CEP78: variants seen among roughly 807,000 people sequenced by gnomAD.
The protein encoded by CEP78 is centrosomal protein of 78 kDa.
CEP78 carries 76 observed loss-of-function variants against 81.2 expected under a neutral mutation model. The observed-to-expected ratio is 0.94, with a 90% CI of 0.78 to 1.13. The LOEUF (loss-of-function observed/expected upper bound fraction) is 1.13, where lower values mean the gene tolerates loss of function less well. Ranked by LOEUF, CEP78 falls within the 50% of genes most tolerant of loss-of-function variation. CEP78 has a pLI of 0.00. For synonymous variants in CEP78, 293 were observed against 301.4 expected (o/e 0.97, Z 0.29); for missense variants, 918 against 846.8 (o/e 1.08, Z -1.04).
At chr9:78,264,881 A>G (rs765625995) in intron 13 of CEP78, among the ~76,000 whole-genome samples, 3 of 152,194 alleles carry the variant, frequency 2.0e-5, no homozygotes, top group African/African-American at 7.2e-5. Flanking sequence ...GTGGTCCTCA[A>G]CCAAGAATGA....
chr9:78,246,748 G>A lies in CEP78; in HGVS notation c.858G>A (p.Leu286=). 1 of 1,608,556 alleles carries A rather than the reference G, an allele frequency of 6.2e-7. No homozygotes were observed. The highest frequency in any genetic ancestry group is 8.5e-7 in the Non-Finnish European group (1 of 1,177,262). ...LLEALETNTT[L]VVLDIRKNPL... is the part of the protein sequence containing the mutation. ...AGGCCCTTGAAACCAATACAACTCT[G>A]GTCGTTCTGGATATAAGAAAAAATC... Residue 286 remains leucine, a synonymous_variant, in exon 6 of 17, where the codon CTG becomes CTA. Transcript: ENST00000643273.
intron 2 of CEP78, 41 bp from the exon 3 acceptor site, chr9:78,240,251 A>G (rs1826162086): frequency 6.2e-7 from 1 of 1,612,214 alleles, no homozygotes; most frequent in Non-Finnish European, 8.5e-7. Context: ...TAGAGGAAAA[A>G]AAACCTCAAT....
chr9:78,254,621 T>G (rs1192034887), intron 10 of CEP78: 1 of 216,598 alleles, frequency 4.6e-6, no homozygotes. Flanking sequence ...ATTCCAGTAT[T>G]AATTATAAAC....
chr9:78,241,594 A>G, intron 3 of CEP78, 102 bp from the exon 4 acceptor site: 1 of 535,624 alleles, frequency 1.9e-6, no homozygotes. Context: ...TTAAGAATAC[A>G]ACTATAAAAT....
Position 78,236,510 on chromosome 9 carries a change from G to A in CEP78, c.160G>A (p.Asp54Asn), listed in dbSNP as rs753251020. The change falls in exon 1 of 17, where the codon GAC becomes AAC. Residue 54 changes from aspartate to asparagine, a missense_variant. Transcript: ENST00000643273. The stretch of plus-strand genomic sequence containing the variant: ...CAACGCCGACCGCCTCCGCGGGGTG[G>A]ACTGGGCGCCTCTGCTGAGCACCCT... ...DFNADRLRGV[D>N]WAPLLSTLKI... 6.2e-7 allele frequency: 1 copy of A among 1,606,994 alleles called. No homozygotes were observed. Among genetic ancestry groups the A allele is most frequent in the Non-Finnish European group, 8.5e-7 (1 of 1,176,764 alleles).
Position 78,275,141 on chromosome 9 carries a change from G to C in CEP78, c.*4290G>C, listed in dbSNP as rs557186536. The C allele has an allele frequency of 6.6e-6, 1 of 152,094 alleles. No homozygotes were observed. Among genetic ancestry groups the C allele is most frequent in the African/African-American group, 2.4e-5 (1 of 41,430 alleles). The allele number at this position is 152,094 out of a possible 1,614,324, so 9.4% of individuals were successfully genotyped here. A position where few individuals can be genotyped will look rare whatever the true frequency, so the allele number is the denominator to read the frequency against. On this transcript the variant is annotated 3_prime_UTR_variant, in exon 17 of 17. Coordinates refer to ENST00000643273, the MANE Select transcript of CEP78 (RefSeq NM_001330691.3). ...CTAGAAGAGATATTTTTAATTATGA[G>C]CACTTTTATAATTTACTATAAATAA...
Position 78,236,306 on chromosome 9 carries a change from GGCGGCGTCTCC to G in CEP78, c.-38_-28del. The G allele has an allele frequency of 1.3e-6, 2 of 1,517,486 alleles. No homozygotes were observed. Among genetic ancestry groups the G allele is most frequent in the Non-Finnish European group, 1.8e-6 (2 of 1,132,410 alleles). 94.0% of individuals were successfully genotyped at this position (1,517,486 alleles called of 1,614,324 possible). On this transcript the variant is annotated 5_prime_UTR_variant, in exon 1 of 17. Transcript: ENST00000643273. Reference sequence around the variant, plus strand: ...GACTCAGCGTTCTTGGGTGGGCGCGGGCGGCGTCTCCGCGGCGGGCATCCCCCGAGGCCGCC... The same window carrying G: ...GACTCAGCGTTCTTGGGTGGGCGCGGGCGGCGGGCATCCCCCGAGGCCGCC...
rs1827726553 is a variant in CEP78, at chr9:78,273,017, C to G, written c.*2166C>G. On this transcript the variant is annotated 3_prime_UTR_variant, in exon 17 of 17. Coordinates refer to ENST00000643273, the MANE Select transcript of CEP78 (RefSeq NM_001330691.3). ...CATTTGCCATGAGAAGAGAGGGAAG[C>G]AAATGTATGTCAACAACTTTAATAG... 1 of 151,998 alleles carries G rather than the reference C, an allele frequency of 6.6e-6. No individual in the cohort carries two copies. The highest frequency in any genetic ancestry group is 1.9e-4 in the East Asian group (1 of 5,180). The allele number at this position is 151,998 out of a possible 1,614,324, so 9.4% of individuals were successfully genotyped here.
intron 15 of CEP78, 72 bp from the exon 16 acceptor site, chr9:78,266,370 G>T: frequency 9.0e-7 from 1 of 1,108,728 alleles, no homozygotes; most frequent in South Asian, 1.5e-5. Flanking sequence ...GAATAACATT[G>T]ACGTTTTGAA....
At position 78,278,285 on chromosome 9, in the gene CEP78, CA is replaced by C. The variant is rs1192428154; in HGVS notation, c.*7436del. 1.3e-5 allele frequency: 2 copies of C among 152,152 alleles called. No homozygotes were observed. The highest frequency in any genetic ancestry group is 1.3e-4 in the Admixed American group (2 of 15,280). 9.4% of individuals were successfully genotyped at this position (152,152 alleles called of 1,614,324 possible). A position where few individuals can be genotyped will look rare whatever the true frequency, so the allele number is the denominator to read the frequency against. On this transcript the variant is annotated 3_prime_UTR_variant, in exon 17 of 17. Coordinates refer to ENST00000643273, the MANE Select transcript of CEP78 (RefSeq NM_001330691.3). ...TTCAAAAATGTGTCTGACCTATTAT[CA>C]ATGTGAATGAAAATGAGCTTTGCTA... is the stretch of plus-strand genomic sequence containing the variant.
At chr9:78,258,161 C>A (rs745465504) in intron 11 of CEP78, among the ~76,000 whole-genome samples, 12 of 152,096 alleles carry the variant, frequency 7.9e-5, no homozygotes, top group Non-Finnish European at 1.5e-4. Flanking sequence ...TCAGAATAAC[C>A]TGTGGTAGGT....
rs759664305 is a variant in CEP78 at position 78,279,360 on chromosome 9, T to G, written c.*8509T>G. The G allele has an allele frequency of 1.4e-4, 22 of 152,212 alleles. No homozygotes were observed. The highest frequency in any genetic ancestry group is 2.2e-4 in the Non-Finnish European group (15 of 68,036). 9.4% of individuals were successfully genotyped at this position (152,212 alleles called of 1,614,324 possible). A position where few individuals can be genotyped will look rare whatever the true frequency, so the allele number is the denominator to read the frequency against. On this transcript the variant is annotated 3_prime_UTR_variant, in exon 17 of 17. Coordinates refer to ENST00000643273, the MANE Select transcript of CEP78 (RefSeq NM_001330691.3). Reference sequence around the variant, plus strand: ...TGCCAAATAACCAGCTCTAATTTCTTTATACCAAAGCCAAACTTCACCTAA... The same window carrying G: ...TGCCAAATAACCAGCTCTAATTTCTGTATACCAAAGCCAAACTTCACCTAA...
At chr9:78,260,297 A>C (rs1827215120) in intron 11 of CEP78, among the ~76,000 whole-genome samples, 1 of 152,136 alleles carries the variant, frequency 6.6e-6, no homozygotes, top group Non-Finnish European at 1.5e-5. Flanking sequence ...TTCATGCTTA[A>C]AAGTGGTTAT....
rs746422159 is a variant in CEP78 at position 78,267,082 on chromosome 9, G to A, written c.2107+379G>A. On this transcript the variant is annotated intron_variant, in intron 16 of 16. Transcript: ENST00000643273. ...TTATGTTTTTATTATGGCATATGGTGTCTTAAAATATAGGATTGGAAGCCA... is the reference window on the plus strand; with the variant it reads ...TTATGTTTTTATTATGGCATATGGTATCTTAAAATATAGGATTGGAAGCCA... 42 of 1,059,892 alleles carry A rather than the reference G, an allele frequency of 4.0e-5. 1 individual carries two copies. The Middle Eastern group carries it at 9.5e-4, about 24-fold the overall frequency. The allele number at this position is 1,059,892 out of a possible 1,614,324, so 65.7% of individuals were successfully genotyped here. A position where few individuals can be genotyped will look rare whatever the true frequency, so the allele number is the denominator to read the frequency against.
chr9:78,242,591 CTAAG>C (rs1428619375), intron 4 of CEP78, among the ~76,000 whole-genome samples: 5 of 152,154 alleles, frequency 3.3e-5, no homozygotes, highest in Admixed American at 1.3e-4. Context: ...GCCTGGCTAT[CTAAG>C]TGTTTGCTGT....
rs55819487 is a variant in CEP78 at position 78,255,017 on chromosome 9, A to C, written c.1380+53A>C. On this transcript the variant is annotated intron_variant, in intron 11 of 16. Coordinates refer to ENST00000643273, the MANE Select transcript of CEP78 (RefSeq NM_001330691.3). ...GAGAAGATCATTTCAAACTCTAGTT[A>C]GTTTTTGGTGAAAGCTTGATTATGA... The C allele has an allele frequency of 9.8e-3, 14,888 of 1,517,036 alleles. 107 individuals carry two copies. Among genetic ancestry groups the C allele is most frequent in the Non-Finnish European group, 0.012 (13,164 of 1,115,972 alleles). 94.0% of individuals were successfully genotyped at this position (1,517,036 alleles called of 1,614,324 possible).
intron 8 of CEP78, chr9:78,250,275 CA>C (rs1221696013): frequency 2.5e-6 from 1 of 397,978 alleles, no homozygotes; most frequent in East Asian, 3.6e-5. Flanking sequence ...TAAGCCAAAT[CA>C]GTGTCTGGCT....
At position 78,253,248 on chromosome 9, in the gene CEP78, A is replaced by C; in HGVS notation, c.1222A>C (p.Lys408Gln). ...TCTTTTTAGGGGTTTCCCATTAATCAAAACACGTGATATATGTAATCAGTT... is the reference window on the plus strand; with the variant it reads ...TCTTTTTAGGGGTTTCCCATTAATCCAAACACGTGATATATGTAATCAGTT... ...AKRHRGFPLI[K>Q]TRDICNQLQQ... The change falls in exon 10 of 17, where the codon AAA (lysine) becomes CAA (glutamine). Residue 408 changes from lysine (K) to glutamine (Q), a missense_variant. Lys to Gln is a moderately conservative substitution (Grantham distance 53). Transcript: ENST00000643273. 6 of 1,383,914 alleles carry C rather than the reference A, an allele frequency of 4.3e-6. No individual in the cohort carries two copies. Among genetic ancestry groups the C allele is most frequent in the Non-Finnish European group, 6.1e-6 (6 of 984,178 alleles). The allele number at this position is 1,383,914 out of a possible 1,614,324, so 85.7% of individuals were successfully genotyped here. A position where few individuals can be genotyped will look rare whatever the true frequency, so the allele number is the denominator to read the frequency against.
intron 11 of CEP78, among the ~76,000 whole-genome samples, chr9:78,259,459 T>C (rs73653052): frequency 6.6e-6 from 1 of 152,172 alleles, no homozygotes; most frequent in Non-Finnish European, 1.5e-5. Context: ...TTTATGCACT[T>C]TTCAGTATGT....
Sources: allele counts gnomAD v4.1 joint callset (sites outside exome capture counted in the v4.1 genomes callset), GRCh38; gene constraint gnomAD v4.1.1; transcripts MANE v1.5; gene names NCBI Gene and HGNC (gene_info 2026-07-23, HGNC 2026-07-21).